KCNK10: variants seen among roughly 807,000 people sequenced by gnomAD.
KCNK10 encodes potassium two pore domain channel subfamily K member 10.
In KCNK10, 25 loss-of-function variants were observed where a neutral mutation model predicts 47.7. The ratio of observed to expected loss-of-function variants is 0.52; its 90% CI spans 0.38 to 0.73. The LOEUF is 0.73. KCNK10 is among the 30% of genes least tolerant of loss of function. The probability of loss-of-function intolerance (pLI) is 0.00; values close to 1 mark genes in which losing one functional copy is unlikely to be tolerated. For missense variants in KCNK10, 563 were observed against 714.5 expected (o/e 0.79, Z 2.42); for synonymous variants, 303 against 285.6 (o/e 1.06, Z -0.61).
chr14:88,293,786 C>G (rs113916228), intron 1 of KCNK10, among the ~76,000 whole-genome samples: 84 of 152,042 alleles, frequency 5.5e-4, no homozygotes, highest in Non-Finnish European at 9.9e-4. Context: ...AGCGATCCTC[C>G]TACCTCAGTC....
chr14:88,284,194 G>C (rs1009698310), intron 1 of KCNK10, among the ~76,000 whole-genome samples: 1 of 151,996 alleles, frequency 6.6e-6, no homozygotes, highest in Non-Finnish European at 1.5e-5. Context: ...CTCAAGTCTA[G>C]AGGAAAGAAC....
chr14:88,225,520 G>T (rs1385478748), intron 4 of KCNK10, among the ~76,000 whole-genome samples: 1 of 152,216 alleles, frequency 6.6e-6, no homozygotes, highest in East Asian at 1.9e-4. Flanking sequence ...TTCATTAGGG[G>T]AGACTAAGTC....
chr14:88,279,281 A>C (rs1192497456), intron 1 of KCNK10, among the ~76,000 whole-genome samples: 1 of 151,436 alleles, frequency 6.6e-6, no homozygotes. Flanking sequence ...TTTCTTATTG[A>C]CCCTTGTGGC....
chr14:88,214,650 A>G (rs1244402620), intron 4 of KCNK10, among the ~76,000 whole-genome samples: 1 of 152,226 alleles, frequency 6.6e-6, no homozygotes, highest in African/African-American at 2.4e-5. Flanking sequence ...TCTTAGATTA[A>G]CCTCCAAGAA....
At chr14:88,326,839 C>T (rs1330843555), upstream of KCNK10, 2 of 251,800 alleles carry the variant, frequency 7.9e-6, no homozygotes, top group African/African-American at 2.3e-5. Flanking sequence ...CCCGAGTTGG[C>T]TGGCTCCCTT....
intron 1 of KCNK10, among the ~76,000 whole-genome samples, chr14:88,311,024 A>T (rs543302070): frequency 6.6e-6 from 1 of 152,336 alleles, no homozygotes; most frequent in South Asian, 2.1e-4. Flanking sequence ...AGAAATTGAA[A>T]ATGCAATCGC....
chr14:88,186,283 G>T lies in KCNK10; in HGVS notation c.1012-128C>A. 8.9e-7 allele frequency: 1 copy of T among 1,121,904 alleles called. No homozygotes were observed. The highest frequency in any genetic ancestry group is 1.2e-6 in the Non-Finnish European group (1 of 810,680). The allele number at this position is 1,121,904 out of a possible 1,614,324, so 69.5% of individuals were successfully genotyped here. A position where few individuals can be genotyped will look rare whatever the true frequency, so the allele number is the denominator to read the frequency against. On this transcript the variant is annotated intron_variant, in intron 6 of 6. Transcript: ENST00000319231. This position sits in a 1 kb window ranked among gnomAD's most constrained non-coding sequence, Gnocchi z 5.5. ...GTGACGGAGCACATGCCCAGGGGGAGGTGCAAATGCTACCTTCTGCCCTAG... is the reference window on the plus strand; with the variant it reads ...GTGACGGAGCACATGCCCAGGGGGATGTGCAAATGCTACCTTCTGCCCTAG...
intron 4 of KCNK10, among the ~76,000 whole-genome samples, chr14:88,203,435 G>A (rs61975824): frequency 0.22 from 32,960 of 152,128 alleles, 4,639 homozygotes; most frequent in Non-Finnish European, 0.31. Flanking sequence ...GGGCAAGCTG[G>A]CTTCAGCTGC....
intron 4 of KCNK10, among the ~76,000 whole-genome samples, chr14:88,223,487 C>G (rs977504435): frequency 6.6e-6 from 1 of 152,060 alleles, no homozygotes; most frequent in African/African-American, 2.4e-5. Flanking sequence ...GAGTGCACCT[C>G]AGAGGAATGA....
At chr14:88,312,671 C>A (rs942769933) in intron 1 of KCNK10, among the ~76,000 whole-genome samples, 52 of 152,208 alleles carry the variant, frequency 3.4e-4, no homozygotes, top group African/African-American at 1.2e-3. Context: ...AGTTATCACA[C>A]CCCACCTCTA....
At chr14:88,206,184 G>C (rs1362685536) in intron 4 of KCNK10, among the ~76,000 whole-genome samples, 2 of 152,128 alleles carry the variant, frequency 1.3e-5, no homozygotes, top group Non-Finnish European at 2.9e-5. Context: ...TTACATGGGA[G>C]CCCCCTGGAA....
At chr14:88,225,876 G>T (rs1885968598) in intron 4 of KCNK10, among the ~76,000 whole-genome samples, 2 of 152,222 alleles carry the variant, frequency 1.3e-5, no homozygotes, top group African/African-American at 4.8e-5. Flanking sequence ...CATCTGAAAA[G>T]CAGGGAAGCT....
rs1433629669 is a variant in KCNK10 at position 88,185,578 on chromosome 14, T to C, written c.1589A>G (p.Asp530Gly). The stretch of plus-strand genomic sequence containing the variant: ...TAATGAGTTGTTCTCCGGCTCCCGG[T>C]CTTTGGTGTCCGTGGGTATCATTCC... ...ENGMIPTDTK[D>G]REPENNSLLE... Residue 530 changes from aspartate (D) to glycine (G), a missense_variant, in exon 7 of 7, where the codon GAC becomes GGC. Coordinates refer to ENST00000319231, the MANE Select transcript of KCNK10 (RefSeq NM_138317.3). This position sits in a 1 kb window ranked among gnomAD's most constrained non-coding sequence, Gnocchi z 4.3. 1 of 1,613,858 alleles carries C rather than the reference T, an allele frequency of 6.2e-7. No homozygotes were observed. Among genetic ancestry groups the C allele is most frequent in the Non-Finnish European group, 8.5e-7 (1 of 1,179,972 alleles).
chr14:88,239,161 A>G (rs890274675), intron 3 of KCNK10, among the ~76,000 whole-genome samples: 7 of 152,202 alleles, frequency 4.6e-5, no homozygotes, highest in African/African-American at 1.7e-4. Context: ...AAATGGCACC[A>G]ATAGACTTGT....
At chr14:88,217,670 T>C (rs1015278142) in intron 4 of KCNK10, among the ~76,000 whole-genome samples, 2 of 152,122 alleles carry the variant, frequency 1.3e-5, no homozygotes, top group Non-Finnish European at 2.9e-5. Flanking sequence ...TCCTCATTCC[T>C]CAGCCTCCTG....
chr14:88,268,938 G>C (rs1181739197), intron 1 of KCNK10, among the ~76,000 whole-genome samples: 1 of 152,204 alleles, frequency 6.6e-6, no homozygotes, highest in Non-Finnish European at 1.5e-5. Flanking sequence ...GGGAGTTCGA[G>C]ACCAACCTGG....
In KCNK10 at chr14:88,322,299, G is replaced by T. The variant is rs1474116542; in HGVS notation, c.52+448C>A. 6.6e-6 allele frequency among the ~76,000 whole-genome samples: 1 copy of T among 152,136 alleles called. No homozygotes were observed. Among genetic ancestry groups the T allele is most frequent in the Admixed American group, 6.6e-5 (1 of 15,262 alleles). On this transcript the variant is annotated intron_variant, in intron 1 of 6. Coordinates refer to ENST00000319231, the MANE Select transcript of KCNK10 (RefSeq NM_138317.3). This position sits in a 1 kb window ranked among gnomAD's most constrained non-coding sequence, Gnocchi z 4.8. ...TGCTGCAACTCGAGCCCCACTTGCT[G>T]CCAGGAAACCTTTCCCACTGAGGAC...
rs1368915760 is a variant in KCNK10 at position 88,207,297 on chromosome 14, C to T, written c.682-14887G>A. Among the ~76,000 whole-genome samples, 6 of 152,040 alleles carry T rather than the reference C, an allele frequency of 3.9e-5. No homozygotes were observed. In the South Asian group the frequency reaches 1.2e-3, roughly 32 times the overall value. ...ACGCCATTCTCCTGCCTCAGCCTCC[C>T]GAGCAGCTGGGACTACAGGGGCCCG... On this transcript the variant is annotated intron_variant, in intron 4 of 6. Coordinates refer to ENST00000319231, the MANE Select transcript of KCNK10 (RefSeq NM_138317.3).
At chr14:88,197,960 C>A (rs901838715) in intron 4 of KCNK10, among the ~76,000 whole-genome samples, 1 of 151,840 alleles carries the variant, frequency 6.6e-6, no homozygotes, top group Non-Finnish European at 1.5e-5. Flanking sequence ...AAGATCTGAG[C>A]CTTTGTCTGA....
Sources: allele counts gnomAD v4.1 joint callset (sites outside exome capture counted in the v4.1 genomes callset), GRCh38; gene constraint gnomAD v4.1.1; non-coding constraint Gnocchi (gnomAD v3.1); transcripts MANE v1.5; gene names NCBI Gene and HGNC (gene_info 2026-07-23, HGNC 2026-07-21).